Variants in TUSC3 observed in about 807,000 individuals in gnomAD.
TUSC3 encodes dolichyl-diphosphooligosaccharide--protein glycosyltransferase subunit TUSC3.
A neutral mutation model predicts 44.8 loss-of-function variants in TUSC3; 45 were observed. The observed-to-expected ratio is 1.00, with a 90% CI of 0.79 to 1.29. The LOEUF is 1.29. TUSC3 is among the 50% of genes most tolerant of loss of function. The pLI is 0.00. For missense variants in TUSC3, 519 were observed against 437.9 expected (o/e 1.19, Z -1.65); for synonymous variants, 212 against 152.9 (o/e 1.39, Z -2.85).
At chr8:15,572,208 T>C (rs1447817666) in intron 1 of TUSC3, among the ~76,000 whole-genome samples, 1 of 152,218 alleles carries the variant, frequency 6.6e-6, no homozygotes, top group Admixed American at 6.5e-5. Context: ...CCATCAATTA[T>C]GCTAGCTAAA....
chr8:15,764,909 G>C lies in TUSC3; in HGVS notation c.*753G>C, dbSNP rs1347956938. The C allele has an allele frequency of 6.6e-6, 1 of 151,988 alleles. No homozygotes were observed. Among genetic ancestry groups the C allele is most frequent in the Non-Finnish European group, 1.5e-5 (1 of 67,924 alleles). The allele number at this position is 151,988 out of a possible 1,614,324, so 9.4% of individuals were successfully genotyped here. A position where few individuals can be genotyped will look rare whatever the true frequency, so the allele number is the denominator to read the frequency against. ...TCTGGGAATCCAGACTTAAAAATAA[G>C]AGCAAACTTAACACACTATCCATTT... On this transcript the variant is annotated 3_prime_UTR_variant, in exon 11 of 11. Transcript: ENST00000503731.
chr8:15,451,227 T>A (rs1460580607), intron 1 of TUSC3, among the ~76,000 whole-genome samples: 1 of 152,174 alleles, frequency 6.6e-6, no homozygotes, highest in African/African-American at 2.4e-5. Flanking sequence ...ATATCTATAT[T>A]TGGTCTTTCT....
intron 1 of TUSC3, among the ~76,000 whole-genome samples, chr8:15,542,532 C>G (rs1256316681): frequency 3.3e-5 from 5 of 150,960 alleles, no homozygotes; most frequent in Non-Finnish European, 7.4e-5. Context: ...GGGCAGAGGT[C>G]GGAGGGTGCT....
At chr8:15,546,137 A>G (rs778778349) in intron 1 of TUSC3, among the ~76,000 whole-genome samples, 2 of 151,822 alleles carry the variant, frequency 1.3e-5, no homozygotes, top group Non-Finnish European at 2.9e-5. Context: ...TGTGTAACAA[A>G]TGGATATTTC....
intron 1 of TUSC3, among the ~76,000 whole-genome samples, chr8:15,445,329 T>C (rs1028601846): frequency 1.3e-5 from 2 of 151,976 alleles, no homozygotes; most frequent in African/African-American, 4.8e-5. Context: ...TTTTTTTTTT[T>C]AGTATTTATT....
intron 2 of TUSC3, among the ~76,000 whole-genome samples, chr8:15,529,819 C>G: frequency 9.5e-6 from 1 of 105,718 alleles, no homozygotes; most frequent in Non-Finnish European, 1.7e-5. Context: ...GAGACGGAGT[C>G]TCGCTCTGTT....
intron 1 of TUSC3, among the ~76,000 whole-genome samples, chr8:15,466,553 ATCT>A (rs1323828948): frequency 1.3e-5 from 2 of 152,170 alleles, no homozygotes; most frequent in Non-Finnish European, 2.9e-5. Context: ...GCTTGTAAGG[ATCT>A]TAAAATGGTT....
intron 10 of TUSC3, among the ~76,000 whole-genome samples, chr8:15,763,628 A>G (rs528482038): frequency 1.1e-3 from 160 of 152,090 alleles, no homozygotes; most frequent in African/African-American, 3.7e-3. Flanking sequence ...TGTTTCATAA[A>G]TTAAAGCTTT....
At chr8:15,692,868 ATAGT>A (rs1481840888) in intron 6 of TUSC3, among the ~76,000 whole-genome samples, 1 of 152,062 alleles carries the variant, frequency 6.6e-6, no homozygotes, top group Non-Finnish European at 1.5e-5. Context: ...TATATTTAAG[ATAGT>A]TAGATCCTCT....
upstream of TUSC3, among the ~76,000 whole-genome samples, chr8:15,539,406 G>T (rs550022090): frequency 3.7e-5 from 5 of 133,610 alleles, no homozygotes; most frequent in South Asian, 1.2e-3. Context: ...AGGCTGGAGT[G>T]CAGTGGAGTG....
chr8:15,776,306 A>G, the TUSC3 span, among the ~76,000 whole-genome samples: 1 of 152,078 alleles, frequency 6.6e-6, no homozygotes, highest in Non-Finnish European at 1.5e-5. Context: ...AAATGATTCT[A>G]TCTTTAACAC....
intron 5 of TUSC3, among the ~76,000 whole-genome samples, chr8:15,668,534 A>G (rs1807782403): frequency 6.6e-6 from 1 of 151,754 alleles, no homozygotes; most frequent in African/African-American, 2.4e-5. Context: ...CAGGGACCTT[A>G]CATGTGTAGT....
chr8:15,704,705 A>G lies in TUSC3; in HGVS notation c.799-25961A>G, dbSNP rs1408522446. Among the ~76,000 whole-genome samples, 3 of 151,758 alleles carry G rather than the reference A, an allele frequency of 2.0e-5. No homozygotes were observed. The East Asian group carries it at 5.8e-4, about 29-fold the overall frequency. On this transcript the variant is annotated intron_variant, in intron 6 of 10. Coordinates refer to ENST00000503731, the MANE Select transcript of TUSC3 (RefSeq NM_006765.4). Reference sequence around the variant, plus strand: ...TGTGTCTGTCTGTACATCCAATCCTATCCCTCTTTTTCCTTTCTGCAGCAG... The same window carrying G: ...TGTGTCTGTCTGTACATCCAATCCTGTCCCTCTTTTTCCTTTCTGCAGCAG...
At chr8:15,594,375 T>G (rs1422703950) in intron 1 of TUSC3, among the ~76,000 whole-genome samples, 1 of 152,176 alleles carries the variant, frequency 6.6e-6, no homozygotes, top group Non-Finnish European at 1.5e-5. Flanking sequence ...TGGGTTGGTT[T>G]TGATCGATTG....
At chr8:15,628,813 C>G (rs1045208250) in intron 2 of TUSC3, among the ~76,000 whole-genome samples, 4 of 152,226 alleles carry the variant, frequency 2.6e-5, no homozygotes, top group African/African-American at 9.6e-5. Context: ...AATTTAGTAG[C>G]AAGAACCATG....
the TUSC3 span, among the ~76,000 whole-genome samples, chr8:15,815,288 C>A: frequency 1.3e-5 from 2 of 151,810 alleles, no homozygotes; most frequent in African/African-American, 4.8e-5. Flanking sequence ...AGGAACAAAT[C>A]TATAGACATA....
At chr8:15,540,689 T>C (rs1801656482) in intron 1 of TUSC3, 121 bp downstream of exon 1, 2 of 1,336,386 alleles carry the variant, frequency 1.5e-6, no homozygotes, top group African/African-American at 1.5e-5. Flanking sequence ...ATGCCGGCGC[T>C]GGGGCGGGAG....
At chr8:15,706,130 A>T (rs1292541271) in intron 6 of TUSC3, among the ~76,000 whole-genome samples, 2 of 151,984 alleles carry the variant, frequency 1.3e-5, no homozygotes, top group Non-Finnish European at 2.9e-5. Context: ...TTGTCTCAGT[A>T]CTTCTGATGT....
chr8:15,587,907 A>C (rs1476958299), intron 1 of TUSC3, among the ~76,000 whole-genome samples: 1 of 152,144 alleles, frequency 6.6e-6, no homozygotes, highest in Non-Finnish European at 1.5e-5. Context: ...TTCATCTTTA[A>C]TAGCTAAATA....
Sources: allele counts gnomAD v4.1 joint callset (sites outside exome capture counted in the v4.1 genomes callset), GRCh38; gene constraint gnomAD v4.1.1; transcripts MANE v1.5; gene names NCBI Gene and HGNC (gene_info 2026-07-23, HGNC 2026-07-21).